Variants in NRXN3 observed in about 807,000 individuals in gnomAD.
NRXN3 encodes neurexin III.
NRXN3 carries 32 observed loss-of-function variants against 137.6 expected under a neutral mutation model. The ratio of observed to expected loss-of-function variants is 0.23; its 90% CI spans 0.18 to 0.31. The LOEUF (loss-of-function observed/expected upper bound fraction) is 0.31, where lower values mean the gene tolerates loss of function less well. Ranked by LOEUF, NRXN3 falls within the 10% of genes least tolerant of loss-of-function variation. The pLI is 1.00. For missense variants in NRXN3, 1,574 were observed against 2,062.5 expected, an observed-to-expected ratio of 0.76 and a Z score of 4.59; for synonymous variants, 798 against 784.5, an observed-to-expected ratio of 1.02 and a Z score of -0.29.
chr14:79,245,215 G>A (rs993289198), intron 15 of NRXN3, among the ~76,000 whole-genome samples: 1 of 152,142 alleles, frequency 6.6e-6, no homozygotes. Flanking sequence ...TTCCAGCACT[G>A]CTGCCCCTGA....
At chr14:79,798,861 C>A (rs1373915698) in intron 19 of NRXN3, among the ~76,000 whole-genome samples, 1 of 152,086 alleles carries the variant, frequency 6.6e-6, no homozygotes, top group Non-Finnish European at 1.5e-5. Flanking sequence ...CAGTGTAGAA[C>A]CATTGCCAAG....
At chr14:79,696,841 T>TA (rs1055969333) in intron 18 of NRXN3, among the ~76,000 whole-genome samples, 3 of 151,944 alleles carry the variant, frequency 2.0e-5, no homozygotes, top group Non-Finnish European at 4.4e-5. Flanking sequence ...CCATCCATTT[T>TA]AAAAAATTTA....
intron 4 of NRXN3, among the ~76,000 whole-genome samples, chr14:78,451,748 G>T (rs1315956174): frequency 2.0e-5 from 3 of 152,202 alleles, no homozygotes; most frequent in African/African-American, 7.2e-5. Context: ...TTAACCCAAA[G>T]ATGGCAGCAT....
intron 10 of NRXN3, among the ~76,000 whole-genome samples, chr14:78,849,890 G>A (rs948040354): frequency 2.0e-5 from 3 of 152,064 alleles, no homozygotes; most frequent in Admixed American, 6.6e-5. Context: ...AATTATTTGC[G>A]AAGGAAAGGG....
chr14:79,344,705 A>G lies in NRXN3; in HGVS notation c.3263-122516A>G, dbSNP rs530525466. On this transcript the variant is annotated intron_variant, in intron 15 of 20. Transcript: ENST00000335750. ...GATTTAAAAAATAAGCTATGACTCAAAAAAAATTAATGTGAAATGCATCTG... is the reference window on the plus strand; with the variant it reads ...GATTTAAAAAATAAGCTATGACTCAGAAAAAATTAATGTGAAATGCATCTG... 2.8e-4 allele frequency among the ~76,000 whole-genome samples: 42 copies of G among 150,508 alleles called. No homozygotes were observed. The South Asian group carries it at 8.5e-3, about 30-fold the overall frequency.
chr14:78,952,596 T>C (rs1348430269), intron 10 of NRXN3, among the ~76,000 whole-genome samples: 1 of 152,206 alleles, frequency 6.6e-6, no homozygotes, highest in East Asian at 1.9e-4. Context: ...GACATATCTT[T>C]GGTTTCCTTC....
chr14:79,767,652 T>G (rs866395907), intron 19 of NRXN3, among the ~76,000 whole-genome samples: 1 of 152,248 alleles, frequency 6.6e-6, no homozygotes, highest in South Asian at 2.1e-4. Flanking sequence ...TTAATTCACT[T>G]AATTCTCATA....
chr14:78,645,096 C>A, intron 4 of NRXN3, 24 bp from the exon 5 acceptor site: 5 of 1,518,832 alleles, frequency 3.3e-6, no homozygotes, highest in Non-Finnish European at 4.4e-6. Context: ...GTGCTGATTG[C>A]TTTCCTCTTT....
At chr14:79,842,872 C>A (rs191157840) in intron 20 of NRXN3, among the ~76,000 whole-genome samples, 2 of 152,242 alleles carry the variant, frequency 1.3e-5, no homozygotes, top group Admixed American at 1.3e-4. Flanking sequence ...GGTATTCTCT[C>A]ACCTACATGT....
Position 79,751,294 on chromosome 14 carries a change from G to T in NRXN3, c.4014+53357G>T, listed in dbSNP as rs1359748676. ...CTTGAAGAGGTCCTTCACATCCCTT[G>T]TAAGTTGGATTCCTAAGTATTTTAT... On this transcript the variant is annotated intron_variant, in intron 19 of 20. Transcript: ENST00000335750. Among the ~76,000 whole-genome samples the T allele has an allele frequency of 2.0e-5, 3 of 152,240 alleles. No homozygotes were observed. In the East Asian group the frequency reaches 5.8e-4, roughly 29 times the overall value.
At chr14:78,944,823 TAC>T (rs1387515872) in intron 10 of NRXN3, among the ~76,000 whole-genome samples, 1 of 152,168 alleles carries the variant, frequency 6.6e-6, no homozygotes, top group Admixed American at 6.5e-5. Flanking sequence ...AGGAAAGTAA[TAC>T]CACCTGCATC....
chr14:79,456,226 C>T (rs2096255066), intron 15 of NRXN3, among the ~76,000 whole-genome samples: 1 of 152,116 alleles, frequency 6.6e-6, no homozygotes, highest in African/African-American at 2.4e-5. Context: ...ACTGAATATG[C>T]TTCTTTGGTA....
chr14:78,401,530 A>T (rs2092059986), intron 4 of NRXN3, among the ~76,000 whole-genome samples: 1 of 152,120 alleles, frequency 6.6e-6, no homozygotes, highest in Non-Finnish European at 1.5e-5. Flanking sequence ...TGGAAAAGCA[A>T]AAAGGCCTAA....
chr14:78,185,651 G>T (rs937836437), intron 1 of NRXN3, among the ~76,000 whole-genome samples: 3 of 152,164 alleles, frequency 2.0e-5, no homozygotes, highest in Admixed American at 6.5e-5. Flanking sequence ...TCAGTTAGGG[G>T]TGCCTGATAT....
intron 15 of NRXN3, among the ~76,000 whole-genome samples, chr14:79,231,826 C>T (rs191405871): frequency 2.2e-4 from 34 of 152,146 alleles, no homozygotes; most frequent in African/African-American, 8.2e-4. Context: ...AATAGTAGTC[C>T]TCCATTTGGG....
intron 15 of NRXN3, among the ~76,000 whole-genome samples, chr14:79,171,589 A>G (rs147786745): frequency 2.0e-5 from 3 of 152,278 alleles, no homozygotes; most frequent in East Asian, 3.9e-4. Context: ...AGGGAAAAAA[A>G]TTCCAAATGA....
intron 20 of NRXN3, among the ~76,000 whole-genome samples, chr14:79,841,266 G>A (rs1429151721): frequency 6.6e-6 from 1 of 152,124 alleles, no homozygotes; most frequent in African/African-American, 2.4e-5. Flanking sequence ...CTGCAATGAA[G>A]ACAGATTTTA....
intron 4 of NRXN3, among the ~76,000 whole-genome samples, chr14:78,551,218 C>A (rs1267796953): frequency 6.6e-6 from 1 of 152,184 alleles, no homozygotes; most frequent in African/African-American, 2.4e-5. Context: ...GCTCTATTGG[C>A]ATTTGCTGAA....
chr14:79,362,985 T>A (rs2153421043), intron 15 of NRXN3, among the ~76,000 whole-genome samples: 1 of 150,304 alleles, frequency 6.7e-6, no homozygotes, highest in African/African-American at 2.4e-5. Context: ...GAGTGACCAT[T>A]TAGAAATTTA....
Sources: gnomAD v4.1 joint callset for allele counts (sites outside exome capture counted in the v4.1 genomes callset) on GRCh38, gnomAD v4.1.1 for gene constraint, MANE v1.5 for transcripts, NCBI Gene and HGNC (gene_info 2026-07-23, HGNC 2026-07-21) for gene names.